The following APBB2 variants were observed in gnomAD, a reference collection of about 807,000 sequenced individuals.
APBB2 encodes amyloid beta precursor protein binding family B member 2, also known as Fe65-like 1.
In APBB2, 38 loss-of-function variants were observed where a neutral mutation model predicts 82.5. The observed-to-expected ratio is 0.46, with a 90% CI of 0.36 to 0.60. The LOEUF (loss-of-function observed/expected upper bound fraction) is 0.60, where lower values mean the gene tolerates loss of function less well. APBB2 is among the 20% of genes least tolerant of loss of function. The pLI is 0.00. For missense variants in APBB2, 772 were observed against 972.3 expected, an observed-to-expected ratio of 0.79 and a Z score of 2.74; for synonymous variants, 341 against 368.2, an observed-to-expected ratio of 0.93 and a Z score of 0.85.
intron 2 of APBB2, among the ~76,000 whole-genome samples, chr4:41,119,655 T>A (rs1447700271): frequency 2.0e-5 from 3 of 151,782 alleles, no homozygotes; most frequent in Non-Finnish European, 4.4e-5. Flanking sequence ...TCCACCATAC[T>A]ATATCCGATT....
intron 6 of APBB2, among the ~76,000 whole-genome samples, chr4:40,946,254 A>AAAAAAGAAAAAAAAAAC (rs1553875174): frequency 8.7e-6 from 1 of 114,560 alleles, no homozygotes; most frequent in Non-Finnish European, 1.8e-5. Context: ...AAAAAAAAAA[A>AAAAAAGAAAAAAAAAAC]CATTCCCAAG....
chr4:40,875,390 C>T lies in APBB2; in HGVS notation c.1529+14974G>A, dbSNP rs144583493. 1.8e-3 allele frequency among the ~76,000 whole-genome samples: 274 copies of T among 152,290 alleles called. 1 individual carries two copies. The highest frequency in any genetic ancestry group is 6.4e-3 in the African/African-American group (265 of 41,554). On this transcript the variant is annotated intron_variant, in intron 12 of 17. Transcript: ENST00000508593. The stretch of plus-strand genomic sequence containing the variant: ...GATTACTTACTTCACTAGGGGAGTC[C>T]CGTTCAACAGAAATACAATGCAAGC...
chr4:41,112,794 C>T (rs1162140902), intron 2 of APBB2, among the ~76,000 whole-genome samples: 1 of 152,052 alleles, frequency 6.6e-6, no homozygotes, highest in Non-Finnish European at 1.5e-5. Flanking sequence ...TCGAGACCAG[C>T]CTGACCAACA....
intron 6 of APBB2, among the ~76,000 whole-genome samples, chr4:40,988,530 C>T (rs1011436365): frequency 2.0e-5 from 3 of 149,320 alleles, no homozygotes; most frequent in South Asian, 2.2e-4. Context: ...CCCAGCTACT[C>T]GGGAGGCTGA....
intron 1 of APBB2, among the ~76,000 whole-genome samples, chr4:41,172,424 T>C (rs2154054790): frequency 6.6e-6 from 1 of 152,304 alleles, no homozygotes; most frequent in Non-Finnish European, 1.5e-5. Context: ...AAGGCTTCTC[T>C]CACCAACCTC....
intron 10 of APBB2, among the ~76,000 whole-genome samples, chr4:40,923,094 G>A (rs1336658476): frequency 6.6e-6 from 1 of 151,498 alleles, no homozygotes; most frequent in Non-Finnish European, 1.5e-5. Context: ...TCCTGCCTCA[G>A]CCTCCCGAGT....
chr4:41,138,306 A>G (rs572177520), intron 2 of APBB2: 3 of 152,260 alleles, frequency 2.0e-5, no homozygotes, highest in Non-Finnish European at 4.4e-5. Context: ...TGTTACAATT[A>G]AAAACTTCTG....
chr4:41,179,752 AT>A (rs1170744758), intron 1 of APBB2, among the ~76,000 whole-genome samples: 1 of 152,262 alleles, frequency 6.6e-6, no homozygotes. Context: ...GTGAAAATCG[AT>A]TCTGTGAATA....
intron 1 of APBB2, among the ~76,000 whole-genome samples, chr4:41,166,768 A>C (rs1394066675): frequency 6.6e-6 from 1 of 151,832 alleles, no homozygotes; most frequent in Non-Finnish European, 1.5e-5. Context: ...ATGGTGGCAC[A>C]TGCTTGTAAT....
At chr4:40,885,426 A>C (rs964701802) in intron 12 of APBB2, among the ~76,000 whole-genome samples, 4 of 152,170 alleles carry the variant, frequency 2.6e-5, no homozygotes, top group Admixed American at 1.3e-4. Flanking sequence ...TCGGCCAGTG[A>C]GGAATTGGGG....
chr4:40,944,749 G>T, intron 7 of APBB2, 116 bp downstream of exon 7: 2 of 964,280 alleles, frequency 2.1e-6, no homozygotes, highest in Non-Finnish European at 1.6e-6. Context: ...AATGCAACAT[G>T]CACAATAATC....
At chr4:40,934,825 A>G in intron 8 of APBB2, 126 bp from the exon 9 acceptor site, 1 of 742,238 alleles carries the variant, frequency 1.3e-6, no homozygotes, top group South Asian at 1.8e-5. Context: ...AGGCAGAGAA[A>G]GGCATGCAAG....
intron 12 of APBB2, among the ~76,000 whole-genome samples, chr4:40,868,043 A>C (rs1245805899): frequency 2.7e-5 from 4 of 149,786 alleles, no homozygotes; most frequent in Non-Finnish European, 5.9e-5. Context: ...TTTTTTTTAG[A>C]GATGGGGTCT....
At chr4:40,992,367 G>GGC (rs1195861703) in intron 6 of APBB2, among the ~76,000 whole-genome samples, 2 of 144,308 alleles carry the variant, frequency 1.4e-5, no homozygotes, top group East Asian at 4.3e-4. Flanking sequence ...GAGATGGGGG[G>GGC]GGGTCTTTCT....
At chr4:41,135,382 TTA>T (rs1049140925) in intron 2 of APBB2, among the ~76,000 whole-genome samples, 15 of 152,318 alleles carry the variant, frequency 9.8e-5, no homozygotes, top group African/African-American at 3.1e-4. Context: ...TTATAAATTA[TTA>T]TATGTTTTTT....
intron 12 of APBB2, among the ~76,000 whole-genome samples, chr4:40,843,322 G>A (rs17588076): frequency 0.19 from 29,039 of 152,142 alleles, 2,930 homozygotes; most frequent in Admixed American, 0.25. Context: ...GGCATGAAAC[G>A]CCAAGTGCAC....
chr4:41,129,322 A>C (rs1755306446), intron 2 of APBB2, among the ~76,000 whole-genome samples: 1 of 151,302 alleles, frequency 6.6e-6, no homozygotes, highest in Non-Finnish European at 1.5e-5. Flanking sequence ...ATCTTCAGTC[A>C]CTCTCCACCA....
intron 1 of APBB2, among the ~76,000 whole-genome samples, chr4:41,194,387 A>G: frequency 6.6e-6 from 1 of 152,222 alleles, no homozygotes; most frequent in Non-Finnish European, 1.5e-5. Flanking sequence ...GATAAAATAA[A>G]TATACACATC....
intron 10 of APBB2, among the ~76,000 whole-genome samples, chr4:40,904,580 A>G (rs1246682377): frequency 3.9e-5 from 6 of 152,106 alleles, no homozygotes; most frequent in African/African-American, 4.8e-5. Flanking sequence ...TGTTGCCTCC[A>G]TAATAGAGAA....
Sources: allele counts gnomAD v4.1 joint callset (sites outside exome capture counted in the v4.1 genomes callset), GRCh38; gene constraint gnomAD v4.1.1; transcripts MANE v1.5; gene names NCBI Gene and HGNC (gene_info 2026-07-23, HGNC 2026-07-21).